Variants in MYO18B observed in about 807,000 individuals in gnomAD.
MYO18B encodes myosin XVIIIB.
MYO18B carries 204 observed loss-of-function variants against 273.0 expected under a neutral mutation model. That is an observed-to-expected ratio of 0.75 (90% CI 0.67 to 0.84). The LOEUF (loss-of-function observed/expected upper bound fraction) is 0.84. Among genes scored for constraint, MYO18B ranks in the 40% least tolerant of loss-of-function variants. The probability of loss-of-function intolerance (pLI) is 0.00; values close to 1 mark genes in which losing one functional copy is unlikely to be tolerated. For missense variants in MYO18B, 3,212 were observed against 3,287.6 expected (o/e 0.98, Z 0.56); for synonymous variants, 1,330 against 1,305.7 (o/e 1.02, Z -0.40).
intron 12 of MYO18B, among the ~76,000 whole-genome samples, chr22:25,803,154 G>A (rs1211489533): frequency 3.3e-5 from 5 of 151,550 alleles, no homozygotes; most frequent in Non-Finnish European, 7.4e-5. Flanking sequence ...TAGTAGAGAC[G>A]GGGTTTCACT....
At chr22:25,852,272 T>C (rs1317547406) in intron 21 of MYO18B, among the ~76,000 whole-genome samples, 1 of 152,242 alleles carries the variant, frequency 6.6e-6, no homozygotes, top group Non-Finnish European at 1.5e-5. Flanking sequence ...AGATCCCAGC[T>C]CAGATACCAT....
At position 25,843,901 on chromosome 22, in the gene MYO18B, TG is replaced by T; in HGVS notation, c.3368+10del. ...TCCTGCACCAGTCAAAAAGGTGAGT[TG>T]GGTCAGGGTTGGGGACGGGGATGGA... On this transcript the variant is annotated splice_region_variant and intron_variant, in intron 18 of 43. Coordinates refer to ENST00000335473, the MANE Select transcript of MYO18B (RefSeq NM_032608.7). The T allele has an allele frequency of 6.3e-7, 1 of 1,596,074 alleles. No individual in the cohort carries two copies.
At chr22:25,861,951 G>C (rs1442143919) in intron 21 of MYO18B, among the ~76,000 whole-genome samples, 1 of 151,928 alleles carries the variant, frequency 6.6e-6, no homozygotes, top group Non-Finnish European at 1.5e-5. Context: ...TGTATCTGTG[G>C]GTTCTATATC....
rs755814896 is a variant in MYO18B at position 25,877,980 on chromosome 22, C to T, written c.4246C>T (p.Arg1416Trp). 28 of 1,579,160 alleles carry T rather than the reference C, an allele frequency of 1.8e-5. No individual in the cohort carries two copies. In the East Asian group the frequency reaches 2.1e-4, roughly 12 times the overall value. ...AKEEELTTLR[R>W]KLEKSEKLRN... Reference sequence around the variant, plus strand: ...GTAGGAGGAGCTTACAACGCTAAGACGGAAGCTAGAAAAATCAGAGAAGTT... The same window carrying T: ...GTAGGAGGAGCTTACAACGCTAAGATGGAAGCTAGAAAAATCAGAGAAGTT... The change falls in exon 25 of 44, where the codon CGG becomes TGG. Residue 1416 changes from arginine to tryptophan, a missense_variant. Transcript: ENST00000335473.
At chr22:26,057,564 G>A in the MYO18B span, among the ~76,000 whole-genome samples, 2 of 147,686 alleles carry the variant, frequency 1.4e-5, no homozygotes, top group African/African-American at 5.0e-5. Context: ...AAAGGACATT[G>A]CCTTTACAAA....
At chr22:25,922,398 A>G (rs754973922) in intron 34 of MYO18B, among the ~76,000 whole-genome samples, 1 of 152,060 alleles carries the variant, frequency 6.6e-6, no homozygotes, top group Admixed American at 6.6e-5. Context: ...GTGTGAATGG[A>G]TCCCACAGGG....
At chr22:26,000,999 G>T (rs1035587004) in intron 40 of MYO18B, among the ~76,000 whole-genome samples, 1 of 152,128 alleles carries the variant, frequency 6.6e-6, no homozygotes, top group Admixed American at 6.5e-5. Context: ...TTCTTTTCCA[G>T]ATCAGAAGCT....
At chr22:25,825,016 G>T (rs566072093) in intron 13 of MYO18B, among the ~76,000 whole-genome samples, 140 of 151,922 alleles carry the variant, frequency 9.2e-4, no homozygotes, top group Non-Finnish European at 1.6e-3. Flanking sequence ...CATGTGCACA[G>T]ATATATATAT....
chr22:25,777,380 A>G (rs1404965928), intron 7 of MYO18B, among the ~76,000 whole-genome samples: 2 of 152,210 alleles, frequency 1.3e-5, no homozygotes, highest in Non-Finnish European at 2.9e-5. Flanking sequence ...TGGGTTGTCC[A>G]AGGACTCACA....
intron 21 of MYO18B, among the ~76,000 whole-genome samples, chr22:25,853,275 C>T (rs904566769): frequency 6.6e-6 from 1 of 152,202 alleles, no homozygotes; most frequent in Admixed American, 6.5e-5. Context: ...CTGCAGTCCT[C>T]AATGAATGAG....
downstream of MYO18B, among the ~76,000 whole-genome samples, chr22:26,035,925 A>G (rs117765098): frequency 0.023 from 3,428 of 152,300 alleles, 57 homozygotes; most frequent in Non-Finnish European, 0.035. Flanking sequence ...GATAAGCCAA[A>G]TGTACGTTTC....
chr22:25,961,645 A>T (rs1472812486), intron 39 of MYO18B, among the ~76,000 whole-genome samples: 1 of 152,106 alleles, frequency 6.6e-6, no homozygotes, highest in Non-Finnish European at 1.5e-5. Flanking sequence ...GGGCCCGGGG[A>T]ACCACCCTGG....
intron 5 of MYO18B, 31 bp downstream of exon 5, chr22:25,770,207 T>A: frequency 6.2e-7 from 1 of 1,606,230 alleles, no homozygotes; most frequent in Non-Finnish European, 8.5e-7. Flanking sequence ...CTTTGGAGGG[T>A]CTGAGTCTTC....
chr22:25,995,242 A>G (rs780438705), intron 40 of MYO18B, among the ~76,000 whole-genome samples: 14 of 152,336 alleles, frequency 9.2e-5, no homozygotes, highest in Non-Finnish European at 1.9e-4. Context: ...AATCAAAACA[A>G]TTTAACCCAT....
chr22:25,997,313 A>AAAC (rs1379457751), intron 40 of MYO18B, among the ~76,000 whole-genome samples: 1 of 148,502 alleles, frequency 6.7e-6, no homozygotes, highest in Non-Finnish European at 1.5e-5. Flanking sequence ...GCCAAAAAAA[A>AAAC]AAAAAAAAAA....
chr22:25,851,085 G>T (rs1466131951), intron 20 of MYO18B, among the ~76,000 whole-genome samples: 2 of 152,190 alleles, frequency 1.3e-5, no homozygotes, highest in African/African-American at 2.4e-5. Flanking sequence ...TGTCAAACGG[G>T]TTTGGGAACC....
At chr22:25,845,115 G>GAA (rs1361025941) in intron 18 of MYO18B, among the ~76,000 whole-genome samples, 1 of 152,192 alleles carries the variant, frequency 6.6e-6, no homozygotes, top group Non-Finnish European at 1.5e-5. Flanking sequence ...TCTGATCTAA[G>GAA]AAGGCTTTGG....
Position 25,962,556 on chromosome 22 carries a change from ATGT to A in MYO18B, c.6156+7196_6156+7198del, listed in dbSNP as rs1381398506. On this transcript the variant is annotated intron_variant, in intron 39 of 43. Transcript: ENST00000335473. ...TACTATGTACCTAGCCCTGTGCCTG[ATGT>A]TGTGGGAGATGCAGACATGGATGGA... is the stretch of plus-strand genomic sequence containing the variant. 2.0e-5 allele frequency among the ~76,000 whole-genome samples: 3 copies of A among 152,204 alleles called. No homozygotes were observed. The East Asian group carries it at 5.8e-4, about 29-fold the overall frequency.
chr22:25,993,881 G>A lies in MYO18B; in HGVS notation c.6287+1388G>A, dbSNP rs764491711. On this transcript the variant is annotated intron_variant, in intron 40 of 43. Transcript: ENST00000335473. ...AGAAATACACCAACATTCTAACACT[G>A]AGGAAAGGCGTTACGGGTGACAATT... Among the ~76,000 whole-genome samples, 13 of 150,332 alleles carry A rather than the reference G, an allele frequency of 8.6e-5. No homozygotes were observed. In the Middle Eastern group the frequency reaches 0.01, roughly 119 times the overall value.
Sources: allele counts gnomAD v4.1 joint callset (sites outside exome capture counted in the v4.1 genomes callset), GRCh38; gene constraint gnomAD v4.1.1; transcripts MANE v1.5; gene names NCBI Gene and HGNC (gene_info 2026-07-23, HGNC 2026-07-21).